Variants in PRR16 observed in about 807,000 individuals in gnomAD.
PRR16 encodes proline rich 16, also known as protein Largen.
In PRR16, 6 loss-of-function variants were observed where a neutral mutation model predicts 18.2. That is an observed-to-expected ratio of 0.33 (90% CI 0.18 to 0.65). The LOEUF (loss-of-function observed/expected upper bound fraction) is 0.65, where lower values mean the gene tolerates loss of function less well. PRR16 is among the 30% of genes least tolerant of loss of function. PRR16 has a pLI of 0.74. For synonymous variants in PRR16, 151 were observed against 147.8 expected (o/e 1.02, Z -0.16); for missense variants, 412 against 376.6 (o/e 1.09, Z -0.78).
chr5:120,793,160 TCTAAACATAC>T, the PRR16 span, among the ~76,000 whole-genome samples: 37 of 152,134 alleles, frequency 2.4e-4, no homozygotes, highest in East Asian at 7.0e-3. Flanking sequence ...AAGTTGTGTA[TCTAAACATAC>T]CTAAACATAT....
the PRR16 span, among the ~76,000 whole-genome samples, chr5:120,742,125 A>G: frequency 7.2e-5 from 11 of 152,072 alleles, no homozygotes; most frequent in East Asian, 1.9e-3. Context: ...CTTTTATACA[A>G]TATATAATAT....
chr5:120,585,059 G>C (rs1313808724), intron 1 of PRR16, among the ~76,000 whole-genome samples: 1 of 152,020 alleles, frequency 6.6e-6, no homozygotes, highest in African/African-American at 2.4e-5. Flanking sequence ...CAAAATATTT[G>C]CCCTTCCACC....
At position 120,676,520 on chromosome 5, in the gene PRR16, A is replaced by ATGTGTGTG. The variant is rs200837100; in HGVS notation, c.160-9433_160-9432insGTGTGTGT. On this transcript the variant is annotated intron_variant, in intron 1 of 1. Coordinates refer to ENST00000407149, the MANE Select transcript of PRR16 (RefSeq NM_001300783.2). ...TTATGTTTATTTTATATATATATATATATGTGTGTGTGTGTGTGTGTGTGT... is the reference window on the plus strand; with the variant it reads ...TTATGTTTATTTTATATATATATATATGTGTGTGTATGTGTGTGTGTGTGTGTGTGTGT... Among the ~76,000 whole-genome samples the ATGTGTGTG allele has an allele frequency of 2.5e-3, 314 of 123,624 alleles. 1 individual carries two copies. The highest frequency in any genetic ancestry group is 8.8e-3 in the Middle Eastern group (2 of 226). 81.1% of individuals were successfully genotyped at this position (123,624 alleles called of 152,430 possible). A position where few individuals can be genotyped will look rare whatever the true frequency, so the allele number is the denominator to read the frequency against.
At chr5:120,734,941 T>G in the PRR16 span, among the ~76,000 whole-genome samples, 1 of 152,206 alleles carries the variant, frequency 6.6e-6, no homozygotes, top group African/African-American at 2.4e-5. Flanking sequence ...TCTTTCAAAC[T>G]TCAGTTTCAC....
chr5:120,659,082 C>G (rs932228648), intron 1 of PRR16, among the ~76,000 whole-genome samples: 2 of 151,896 alleles, frequency 1.3e-5, no homozygotes, highest in African/African-American at 2.4e-5. Flanking sequence ...CCAAGTCTTT[C>G]ATGAACCATA....
chr5:120,663,719 T>C (rs184268534), intron 1 of PRR16, among the ~76,000 whole-genome samples: 1 of 152,236 alleles, frequency 6.6e-6, no homozygotes, highest in East Asian at 1.9e-4. Context: ...CACTGTAGAG[T>C]ATATGTATTT....
chr5:120,523,341 C>T (rs1751248066), intron 1 of PRR16, among the ~76,000 whole-genome samples: 1 of 152,054 alleles, frequency 6.6e-6, no homozygotes, highest in Non-Finnish European at 1.5e-5. Flanking sequence ...TAGTTGTAGC[C>T]TATGGTATTA....
chr5:120,555,551 G>T (rs2112707207), intron 1 of PRR16, among the ~76,000 whole-genome samples: 1 of 151,592 alleles, frequency 6.6e-6, no homozygotes, highest in African/African-American at 2.4e-5. Context: ...GAGAGAGAGA[G>T]ATCTGATCTC....
chr5:120,616,886 T>C (rs926949962), intron 1 of PRR16, among the ~76,000 whole-genome samples: 1 of 152,152 alleles, frequency 6.6e-6, no homozygotes, highest in East Asian at 1.9e-4. Context: ...TCACAATACG[T>C]GGTCTTTCAC....
the PRR16 span, among the ~76,000 whole-genome samples, chr5:120,769,670 T>C: frequency 2.6e-5 from 4 of 151,938 alleles, no homozygotes; most frequent in Non-Finnish European, 1.5e-5. Flanking sequence ...GCTATGAACA[T>C]TGGAATGCAG....
chr5:120,606,659 T>C lies in PRR16; in HGVS notation c.160-79295T>C, dbSNP rs142385701. Among the ~76,000 whole-genome samples, 354 of 152,268 alleles carry C rather than the reference T, an allele frequency of 2.3e-3. 10 individuals are homozygous for C. Among genetic ancestry groups the C allele is most frequent in the Admixed American group, 0.021 (325 of 15,280 alleles). On this transcript the variant is annotated intron_variant, in intron 1 of 1. Transcript: ENST00000407149. ...GGTTCTTGCCTATAATCCCAGCATG[T>C]TGAGAGGCCAAGATGGGAGAATTAC...
chr5:120,658,450 C>A lies in PRR16; in HGVS notation c.160-27504C>A, dbSNP rs1756061376. The A allele has an allele frequency of 2.6e-5, 4 of 151,748 alleles. No homozygotes were observed. In the South Asian group the frequency reaches 6.2e-4, roughly 24 times the overall value. The allele number at this position is 151,748 out of a possible 1,614,324, so 9.4% of individuals were successfully genotyped here. A position where few individuals can be genotyped will look rare whatever the true frequency, so the allele number is the denominator to read the frequency against. ...GGAAACATTAAGCAAATCGGAAATA[C>A]TCGTGTTCACTATTTCACTTTCCCC... is the stretch of plus-strand genomic sequence containing the variant. On this transcript the variant is annotated intron_variant, in intron 1 of 1. Coordinates refer to ENST00000407149, the MANE Select transcript of PRR16 (RefSeq NM_001300783.2).
chr5:120,700,432 G>T, the PRR16 span, among the ~76,000 whole-genome samples: 773 of 152,084 alleles, frequency 5.1e-3, 9 homozygotes, highest in African/African-American at 0.017. Context: ...CATACTTGTG[G>T]GTTAAGGTGG....
At chr5:120,586,849 G>T (rs1753464129) in intron 1 of PRR16, among the ~76,000 whole-genome samples, 1 of 152,128 alleles carries the variant, frequency 6.6e-6, no homozygotes, top group African/African-American at 2.4e-5. Flanking sequence ...TCAGTGAAAA[G>T]CTGGAAATGA....
chr5:120,767,097 G>A, the PRR16 span, among the ~76,000 whole-genome samples: 1 of 151,802 alleles, frequency 6.6e-6, no homozygotes, highest in South Asian at 2.1e-4. Flanking sequence ...GGGAACAGAT[G>A]GTCACAACTG....
chr5:120,764,773 G>A, the PRR16 span, among the ~76,000 whole-genome samples: 1 of 151,978 alleles, frequency 6.6e-6, no homozygotes, highest in Non-Finnish European at 1.5e-5. Context: ...CCTGTCAAAG[G>A]TATTTCATTT....
chr5:120,754,426 A>AATATATATAT, the PRR16 span, among the ~76,000 whole-genome samples: 10 of 89,184 alleles, frequency 1.1e-4, 1 homozygote, highest in African/African-American at 4.4e-4. Flanking sequence ...TATATTATAT[A>AATATATATAT]ATATATAGTA....
intron 1 of PRR16, among the ~76,000 whole-genome samples, chr5:120,493,872 C>A (rs300956): frequency 0.7 from 106,601 of 151,850 alleles, 38,520 homozygotes; most frequent in East Asian, 0.95. Context: ...ATGGTTTATT[C>A]TTTTTTTTGC....
intron 1 of PRR16, among the ~76,000 whole-genome samples, chr5:120,578,533 C>T (rs1056107636): frequency 6.6e-5 from 10 of 152,056 alleles, no homozygotes; most frequent in South Asian, 4.1e-4. Context: ...TTGCTGAGGA[C>T]GATGGCTTCC....
Sources: gnomAD v4.1 joint callset for allele counts (sites outside exome capture counted in the v4.1 genomes callset) on GRCh38, gnomAD v4.1.1 for gene constraint, MANE v1.5 for transcripts, NCBI Gene and HGNC (gene_info 2026-07-23, HGNC 2026-07-21) for gene names.